The following NDFIP2 variants were observed in gnomAD, a reference collection of about 807,000 sequenced individuals.
NDFIP2 encodes the protein NEDD4 family-interacting protein 2.
A neutral mutation model predicts 36.0 loss-of-function variants in NDFIP2; 19 were observed. The ratio of observed to expected loss-of-function variants is 0.53; its 90% CI spans 0.37 to 0.77. The LOEUF (loss-of-function observed/expected upper bound fraction) is 0.77. NDFIP2 is among the 30% of genes least tolerant of loss of function. The probability of loss-of-function intolerance (pLI) is 0.00; values close to 1 mark genes in which losing one functional copy is unlikely to be tolerated. For missense variants in NDFIP2, 446 were observed against 435.8 expected (o/e 1.02, Z -0.21); for synonymous variants, 181 against 167.7 (o/e 1.08, Z -0.61).
At chr13:79,510,581 A>G (rs954301023) in intron 1 of NDFIP2, among the ~76,000 whole-genome samples, 69 of 152,128 alleles carry the variant, frequency 4.5e-4, no homozygotes, top group Non-Finnish European at 3.2e-4. Flanking sequence ...TGGATTCAGA[A>G]GCTTATATAC....
chr13:79,530,261 C>A lies in NDFIP2; in HGVS notation c.488-3062C>A, dbSNP rs541908501. ...GCCTCAGCCTCCTGAGTAGCTGGTA[C>A]TACAGGGACAGCTATTTAAAAAAAA... On this transcript the variant is annotated intron_variant, in intron 2 of 7. Transcript: ENST00000218652. Among the ~76,000 whole-genome samples, 37 of 151,954 alleles carry A rather than the reference C, an allele frequency of 2.4e-4. 1 individual carries two copies. Among genetic ancestry groups the A allele is most frequent in the Non-Finnish European group, 3.8e-4 (26 of 67,988 alleles).
chr13:79,524,299 G>A (rs1163987439), intron 2 of NDFIP2, among the ~76,000 whole-genome samples: 3 of 152,140 alleles, frequency 2.0e-5, no homozygotes, highest in Non-Finnish European at 4.4e-5. Context: ...TCCCCAAGAA[G>A]CCTTTAAAAT....
intron 1 of NDFIP2, among the ~76,000 whole-genome samples, chr13:79,509,635 G>A (rs1218146088): frequency 6.6e-6 from 1 of 151,758 alleles, no homozygotes; most frequent in Non-Finnish European, 1.5e-5. Flanking sequence ...AGTTGTATTG[G>A]CGTTCTCTAG....
At chr13:79,542,833 A>G (rs531204727) in intron 4 of NDFIP2, among the ~76,000 whole-genome samples, 1 of 152,114 alleles carries the variant, frequency 6.6e-6, no homozygotes, top group Non-Finnish European at 1.5e-5. Flanking sequence ...GGAAACCCAT[A>G]AAGTATTTGT....
At chr13:79,484,485 A>G (rs547036044) in intron 1 of NDFIP2, among the ~76,000 whole-genome samples, 1 of 152,380 alleles carries the variant, frequency 6.6e-6, no homozygotes, top group South Asian at 2.1e-4. Flanking sequence ...TGGAAGATTT[A>G]TAATACATTA....
intron 3 of NDFIP2, among the ~76,000 whole-genome samples, chr13:79,534,935 A>G (rs921599081): frequency 1.3e-5 from 2 of 152,188 alleles, no homozygotes; most frequent in African/African-American, 2.4e-5. Context: ...AGCTTTGGAC[A>G]CAGTTATGAA....
rs375890894 is a variant in NDFIP2, at chr13:79,493,962, C to T, written c.321+12438C>T. ...AAGACGAATAATTAAAAACAGCAAT[C>T]TCCTTTTCACCCTTTATCTTGTAAG... On this transcript the variant is annotated intron_variant, in intron 1 of 7. Coordinates refer to ENST00000218652, the MANE Select transcript of NDFIP2 (RefSeq NM_019080.3). Among the ~76,000 whole-genome samples, 13 of 152,188 alleles carry T rather than the reference C, an allele frequency of 8.5e-5. No homozygotes were observed. In the South Asian group the frequency reaches 1.2e-3, roughly 15 times the overall value.
rs1876039490 is a variant in NDFIP2, at chr13:79,554,676, A to G, written c.*2163A>G. On this transcript the variant is annotated 3_prime_UTR_variant, in exon 8 of 8. Coordinates refer to ENST00000218652, the MANE Select transcript of NDFIP2 (RefSeq NM_019080.3). ...CAAGAACTTAATGTTCCCTTCAGATATATAAAATCCTGCATACTTCATTTC... is the reference window on the plus strand; with the variant it reads ...CAAGAACTTAATGTTCCCTTCAGATGTATAAAATCCTGCATACTTCATTTC... 1 of 151,884 alleles carries G rather than the reference A, an allele frequency of 6.6e-6. No homozygotes were observed. The highest frequency in any genetic ancestry group is 1.5e-5 in the Non-Finnish European group (1 of 67,830). 9.4% of individuals were successfully genotyped at this position (151,884 alleles called of 1,614,324 possible).
At chr13:79,495,200 A>G (rs1454297619) in intron 1 of NDFIP2, among the ~76,000 whole-genome samples, 2 of 151,904 alleles carry the variant, frequency 1.3e-5, no homozygotes, top group East Asian at 1.9e-4. Context: ...TATATTCTTC[A>G]GTTGTTGCAT....
chr13:79,505,547 T>C (rs1873829668), intron 1 of NDFIP2, among the ~76,000 whole-genome samples: 1 of 151,670 alleles, frequency 6.6e-6, no homozygotes, highest in Non-Finnish European at 1.5e-5. Flanking sequence ...GGAGGATTGC[T>C]TGAGCCCAGA....
chr13:79,503,555 C>T lies in NDFIP2; in HGVS notation c.322-17255C>T, dbSNP rs565458336. Among the ~76,000 whole-genome samples, 7 of 152,128 alleles carry T rather than the reference C, an allele frequency of 4.6e-5. No homozygotes were observed. In the South Asian group the frequency reaches 1.5e-3, roughly 32 times the overall value. ...GAGGCCAGAAGGTTGGGATAAGGAA[C>T]CAAGTTGTATGAATGTAATGTTTTT... On this transcript the variant is annotated intron_variant, in intron 1 of 7. Transcript: ENST00000218652.
At chr13:79,506,314 C>T (rs1873866923) in intron 1 of NDFIP2, among the ~76,000 whole-genome samples, 1 of 152,022 alleles carries the variant, frequency 6.6e-6, no homozygotes, top group East Asian at 1.9e-4. Context: ...ATGATTCTCA[C>T]AGACACACAC....
intron 2 of NDFIP2, among the ~76,000 whole-genome samples, chr13:79,532,752 A>G (rs1875065474): frequency 6.6e-6 from 1 of 152,168 alleles, no homozygotes; most frequent in African/African-American, 2.4e-5. Flanking sequence ...GTGTAAAAAA[A>G]TTACCCCTTG....
chr13:79,531,077 A>C (rs1874997054), intron 2 of NDFIP2, among the ~76,000 whole-genome samples: 1 of 152,210 alleles, frequency 6.6e-6, no homozygotes, highest in African/African-American at 2.4e-5. Context: ...CCCTTGATCC[A>C]TGGGCTGCAA....
At position 79,513,972 on chromosome 13, in the gene NDFIP2, G is replaced by A. The variant is rs74857344; in HGVS notation, c.322-6838G>A. On this transcript the variant is annotated intron_variant, in intron 1 of 7. Coordinates refer to ENST00000218652, the MANE Select transcript of NDFIP2 (RefSeq NM_019080.3). ...ATGAATGTGCCATATAGAGCATGTTGTATTCCATGAGGGAATCTTGGTATT... is the reference window on the plus strand; with the variant it reads ...ATGAATGTGCCATATAGAGCATGTTATATTCCATGAGGGAATCTTGGTATT... Among the ~76,000 whole-genome samples, 79 of 152,222 alleles carry A rather than the reference G, an allele frequency of 5.2e-4. 3 individuals carry two copies. The East Asian group carries it at 0.015, about 29-fold the overall frequency.
chr13:79,550,995 C>A, intron 6 of NDFIP2, 22 bp from the exon 7 acceptor site: 3 of 1,368,100 alleles, frequency 2.2e-6, no homozygotes, highest in Admixed American at 2.0e-5. Flanking sequence ...ATAGTATATC[C>A]ATATTATTTC....
chr13:79,501,590 G>A (rs1409539901), intron 1 of NDFIP2, among the ~76,000 whole-genome samples: 5 of 152,182 alleles, frequency 3.3e-5, no homozygotes, highest in Admixed American at 2.6e-4. Flanking sequence ...GTTCGTCTTC[G>A]ATATTCTGAA....
intron 1 of NDFIP2, among the ~76,000 whole-genome samples, chr13:79,491,943 T>C (rs1290270584): frequency 6.6e-6 from 1 of 152,246 alleles, no homozygotes; most frequent in Non-Finnish European, 1.5e-5. Flanking sequence ...TAAGATTTAC[T>C]GTCAGATTAT....
intron 4 of NDFIP2, among the ~76,000 whole-genome samples, chr13:79,540,388 A>G (rs995650277): frequency 2.6e-4 from 39 of 152,314 alleles, no homozygotes; most frequent in African/African-American, 9.4e-4. Context: ...ATTTCAATTC[A>G]TAATACAGGG....
Sources: allele counts gnomAD v4.1 joint callset (sites outside exome capture counted in the v4.1 genomes callset), GRCh38; gene constraint gnomAD v4.1.1; transcripts MANE v1.5; gene names NCBI Gene and HGNC (gene_info 2026-07-23, HGNC 2026-07-21).